The following STAG1 variants were observed in gnomAD, a reference collection of about 807,000 sequenced individuals.
STAG1 encodes cohesin subunit SA-1.
STAG1 carries 26 observed loss-of-function variants against 170.9 expected under a neutral mutation model. That is an observed-to-expected ratio of 0.15 (90% confidence interval 0.11 to 0.21). STAG1 has a LOEUF of 0.21. Among genes scored for constraint, STAG1 ranks in the 10% least tolerant of loss-of-function variants. STAG1 has a pLI of 1.00. For missense variants in STAG1, 964 were observed against 1,509.5 expected (o/e 0.64, Z 5.99); for synonymous variants, 514 against 497.7 (o/e 1.03, Z -0.44).
chr3:136,392,227 C>T (rs1276520339), intron 22 of STAG1, among the ~76,000 whole-genome samples: 1 of 151,992 alleles, frequency 6.6e-6, no homozygotes, highest in East Asian at 1.9e-4. Context: ...GCTTTTTGCA[C>T]CAGAATGCCC....
intron 3 of STAG1, chr3:136,608,907 T>C (rs1939109984): frequency 6.6e-6 from 1 of 150,796 alleles, no homozygotes; most frequent in African/African-American, 2.4e-5. Flanking sequence ...ACACCTCCCA[T>C]ATGTTACACA....
At chr3:136,567,332 A>C (rs1937117731) in intron 5 of STAG1, among the ~76,000 whole-genome samples, 1 of 152,184 alleles carries the variant, frequency 6.6e-6, no homozygotes, top group Non-Finnish European at 1.5e-5. Flanking sequence ...AAATAGTCTA[A>C]TCTCTTGCCA....
In STAG1 at chr3:136,485,233, A is replaced by C. The variant is rs1408765354; in HGVS notation, c.903-7821T>G. 4.5e-4 allele frequency among the ~76,000 whole-genome samples: 69 copies of C among 152,172 alleles called. 1 individual carries two copies. Among genetic ancestry groups the C allele is most frequent in the Admixed American group, 4.5e-3 (68 of 15,274 alleles). On this transcript the variant is annotated intron_variant, in intron 9 of 33. Coordinates refer to ENST00000383202, the MANE Select transcript of STAG1 (RefSeq NM_005862.3). ...AGCACTTTGGGAGGCTGAGGTGGGC[A>C]GATCACGAAGTCAGGAGATCGAGAA...
At chr3:136,523,354 G>A (rs369066382) in intron 6 of STAG1, among the ~76,000 whole-genome samples, 22 of 152,314 alleles carry the variant, frequency 1.4e-4, no homozygotes, top group South Asian at 8.3e-4. Flanking sequence ...TCTGTTGGCT[G>A]CATAAATGTC....
intron 1 of STAG1, among the ~76,000 whole-genome samples, chr3:136,731,647 C>T (rs192525783): frequency 4.7e-4 from 72 of 152,320 alleles, no homozygotes; most frequent in African/African-American, 1.7e-3. Flanking sequence ...TTGTGTACTT[C>T]GGGAAAACAA....
intron 4 of STAG1, among the ~76,000 whole-genome samples, chr3:136,589,795 G>T (rs948578569): frequency 2.0e-5 from 3 of 151,884 alleles, no homozygotes; most frequent in Non-Finnish European, 4.4e-5. Flanking sequence ...GCTGGGCGTG[G>T]TGGCACACGT....
chr3:136,465,334 C>A (rs1274663457), intron 12 of STAG1, among the ~76,000 whole-genome samples: 1 of 151,052 alleles, frequency 6.6e-6, no homozygotes, highest in Non-Finnish European at 1.5e-5. Context: ...ATTCTCCTGC[C>A]TCAGCCTCCT....
intron 5 of STAG1, among the ~76,000 whole-genome samples, chr3:136,544,480 T>C (rs1936055810): frequency 6.6e-6 from 1 of 152,174 alleles, no homozygotes; most frequent in Admixed American, 6.5e-5. Flanking sequence ...TAATAGCTTT[T>C]GGCCATGTGT....
At chr3:136,516,329 A>T (rs1416892160) in intron 7 of STAG1, among the ~76,000 whole-genome samples, 2 of 152,032 alleles carry the variant, frequency 1.3e-5, no homozygotes, top group Non-Finnish European at 2.9e-5. Flanking sequence ...AACATGGCGA[A>T]ATCCCAACTC....
At chr3:136,663,953 G>A (rs1576733309) in intron 1 of STAG1, among the ~76,000 whole-genome samples, 1 of 152,260 alleles carries the variant, frequency 6.6e-6, no homozygotes, top group East Asian at 1.9e-4. Context: ...GAGGATCCAA[G>A]CTTAAAATGC....
chr3:136,357,636 C>T, intron 28 of STAG1, 84 bp downstream of exon 28: 1 of 1,048,860 alleles, frequency 9.5e-7, no homozygotes, highest in South Asian at 1.8e-5. Flanking sequence ...GTAAAGATAT[C>T]CAAATGATTA....
intron 1 of STAG1, among the ~76,000 whole-genome samples, chr3:136,679,677 C>T (rs1342741849): frequency 6.8e-6 from 1 of 147,832 alleles, no homozygotes; most frequent in Non-Finnish European, 1.5e-5. Context: ...TGCAGTGAGC[C>T]GAGATAGTGC....
intron 28 of STAG1, among the ~76,000 whole-genome samples, chr3:136,354,071 A>C (rs1237118367): frequency 6.6e-6 from 1 of 152,202 alleles, no homozygotes; most frequent in African/African-American, 2.4e-5. Context: ...GTAAATAGGA[A>C]GATTAATATA....
chr3:136,386,880 A>C (rs989148851), intron 22 of STAG1, among the ~76,000 whole-genome samples: 2 of 152,234 alleles, frequency 1.3e-5, no homozygotes, highest in Non-Finnish European at 2.9e-5. Flanking sequence ...GTAAACACAT[A>C]AAACTTTAGC....
chr3:136,536,027 T>C (rs1251369715), intron 6 of STAG1, among the ~76,000 whole-genome samples: 1 of 152,182 alleles, frequency 6.6e-6, no homozygotes, highest in Non-Finnish European at 1.5e-5. Context: ...ATTTTCAAAT[T>C]ACCAGCATGT....
intron 14 of STAG1, among the ~76,000 whole-genome samples, chr3:136,447,877 A>G (rs555442432): frequency 1.3e-5 from 2 of 151,970 alleles, no homozygotes; most frequent in Admixed American, 6.6e-5. Flanking sequence ...TCCACCTCCT[A>G]AAGTGCTGGG....
chr3:136,701,126 C>A (rs1261810516), intron 1 of STAG1, among the ~76,000 whole-genome samples: 2 of 151,946 alleles, frequency 1.3e-5, no homozygotes, highest in African/African-American at 4.8e-5. Flanking sequence ...AGGTGATCCA[C>A]CCGCCTCGGC....
intron 12 of STAG1, among the ~76,000 whole-genome samples, chr3:136,468,266 T>C (rs2089526274): frequency 6.6e-6 from 1 of 151,924 alleles, no homozygotes; most frequent in African/African-American, 2.4e-5. Context: ...CTAGCAAGAC[T>C]AATAAAGAAG....
At chr3:136,714,312 C>A (rs1390665250) in intron 1 of STAG1, among the ~76,000 whole-genome samples, 1 of 152,178 alleles carries the variant, frequency 6.6e-6, no homozygotes, top group Non-Finnish European at 1.5e-5. Context: ...AACAAGAGAA[C>A]TGGCCAAGCA....
Sources: allele counts gnomAD v4.1 joint callset (sites outside exome capture counted in the v4.1 genomes callset), GRCh38; gene constraint gnomAD v4.1.1; transcripts MANE v1.5; gene names NCBI Gene and HGNC (gene_info 2026-07-23, HGNC 2026-07-21).